Variants in PAX5 observed in about 807,000 individuals in gnomAD.
PAX5 encodes paired box protein Pax-5.
A neutral mutation model predicts 43.7 loss-of-function variants in PAX5; 9 were observed. The observed-to-expected ratio is 0.21, with a 90% CI of 0.12 to 0.36. The LOEUF (loss-of-function observed/expected upper bound fraction) is 0.36, where lower values mean the gene tolerates loss of function less well. PAX5 is among the 10% of genes least tolerant of loss of function. PAX5 has a pLI of 1.00. For missense variants in PAX5, 383 were observed against 532.7 expected (o/e 0.72, Z 2.77); for synonymous variants, 228 against 214.3 (o/e 1.06, Z -0.56).
chr9:36,915,389 A>G (rs530107179), intron 7 of PAX5, among the ~76,000 whole-genome samples: 1 of 152,326 alleles, frequency 6.6e-6, no homozygotes, highest in African/African-American at 2.4e-5. Context: ...AATCTTTGTT[A>G]AGATGTTTTT....
intron 8 of PAX5, among the ~76,000 whole-genome samples, chr9:36,867,283 T>C (rs939100320): frequency 9.8e-5 from 15 of 152,322 alleles, no homozygotes; most frequent in African/African-American, 3.6e-4. Flanking sequence ...GGTATACACC[T>C]GGTGTCCCCG....
intron 1 of PAX5, among the ~76,000 whole-genome samples, chr9:37,027,093 T>C (rs2132541772): frequency 6.6e-6 from 1 of 152,334 alleles, no homozygotes; most frequent in Non-Finnish European, 1.5e-5. Context: ...GCCAGATCCT[T>C]TCTTTCTCTG....
intron 1 of PAX5, among the ~76,000 whole-genome samples, chr9:37,033,488 T>C (rs988314902): frequency 3.3e-5 from 5 of 152,118 alleles, no homozygotes; most frequent in Non-Finnish European, 5.9e-5. Context: ...CACTCAGATA[T>C]TTCCGAATTA....
intron 8 of PAX5, among the ~76,000 whole-genome samples, chr9:36,874,597 G>C (rs1296524629): frequency 6.6e-6 from 1 of 152,186 alleles, no homozygotes; most frequent in East Asian, 1.9e-4. Context: ...CCCAGCTCCA[G>C]GGCCACCTTT....
intron 7 of PAX5, among the ~76,000 whole-genome samples, chr9:36,910,153 CA>C (rs1440955962): frequency 6.6e-6 from 1 of 152,240 alleles, no homozygotes; most frequent in Admixed American, 6.5e-5. Context: ...TTCAAAAAAT[CA>C]AAATGTAAAC....
chr9:36,933,513 G>T (rs1231737124), intron 6 of PAX5, among the ~76,000 whole-genome samples: 1 of 152,216 alleles, frequency 6.6e-6, no homozygotes, highest in Non-Finnish European at 1.5e-5. Flanking sequence ...CTAGAGCTCA[G>T]AGAGGGGAGC....
intron 6 of PAX5, chr9:36,930,750 A>C: frequency 1.2e-6 from 1 of 848,394 alleles, no homozygotes; most frequent in Non-Finnish European, 1.6e-6. Flanking sequence ...GATCATGAGA[A>C]TCTGAGGGGT....
At chr9:36,869,985 TG>T (rs1224397500) in intron 8 of PAX5, among the ~76,000 whole-genome samples, 1 of 134,288 alleles carries the variant, frequency 7.4e-6, no homozygotes, top group Non-Finnish European at 1.6e-5. Context: ...GATGGATAAA[TG>T]GATGGATGGA....
intron 6 of PAX5, among the ~76,000 whole-genome samples, chr9:36,959,380 G>T (rs1282614254): frequency 6.6e-6 from 1 of 152,214 alleles, no homozygotes; most frequent in Admixed American, 6.5e-5. Flanking sequence ...GAAAGCTTGG[G>T]CTATTAGTGA....
intron 6 of PAX5, 77 bp downstream of exon 6, chr9:36,966,472 G>A (rs2132192741): frequency 6.6e-7 from 1 of 1,511,770 alleles, no homozygotes; most frequent in East Asian, 2.3e-5. Flanking sequence ...CACCCCGCCA[G>A]ATGCCTCTGC....
intron 7 of PAX5, among the ~76,000 whole-genome samples, chr9:36,908,858 T>C (rs971297238): frequency 1.3e-5 from 2 of 152,246 alleles, no homozygotes; most frequent in African/African-American, 4.8e-5. Context: ...ATCCTATAAA[T>C]ATAAGGTCAG....
chr9:36,912,480 A>T (rs529842563), intron 7 of PAX5, among the ~76,000 whole-genome samples: 4 of 152,326 alleles, frequency 2.6e-5, no homozygotes, highest in Admixed American at 1.3e-4. Context: ...TCAACTGCAC[A>T]CTGAAAGAGA....
intron 2 of PAX5, among the ~76,000 whole-genome samples, chr9:37,018,169 G>A (rs566100706): frequency 6.6e-6 from 1 of 152,082 alleles, no homozygotes; most frequent in Non-Finnish European, 1.5e-5. Flanking sequence ...AAATACAGAC[G>A]GTTGAGAATA....
intron 6 of PAX5, among the ~76,000 whole-genome samples, chr9:36,926,828 T>C (rs1257502239): frequency 6.6e-6 from 1 of 152,190 alleles, no homozygotes; most frequent in African/African-American, 2.4e-5. Flanking sequence ...GACACACTCT[T>C]TGACCCTCAC....
At chr9:36,945,281 G>C (rs929108292) in intron 6 of PAX5, among the ~76,000 whole-genome samples, 6 of 151,842 alleles carry the variant, frequency 4.0e-5, no homozygotes, top group Non-Finnish European at 8.8e-5. Context: ...CTCTCACCCA[G>C]GGAGGGCTGA....
At chr9:36,883,995 TA>T (rs113923351) in intron 7 of PAX5, among the ~76,000 whole-genome samples, 8 of 151,454 alleles carry the variant, frequency 5.3e-5, no homozygotes, top group Non-Finnish European at 2.9e-5. Flanking sequence ...AGAAAAAGTT[TA>T]AAAAAAAATA....
chr9:37,027,129 C>A (rs561898747), intron 1 of PAX5, among the ~76,000 whole-genome samples: 1 of 152,354 alleles, frequency 6.6e-6, no homozygotes, highest in South Asian at 2.1e-4. Context: ...GGGGCTCGGA[C>A]TTGCCCCCTC....
chr9:36,966,140 G>A (rs1019413651), intron 6 of PAX5, among the ~76,000 whole-genome samples: 9 of 152,250 alleles, frequency 5.9e-5, no homozygotes, highest in African/African-American at 2.2e-4. Context: ...TCATTCCATT[G>A]TTCACGGCCG....
At chr9:36,951,856 G>T (rs543510893) in intron 6 of PAX5, among the ~76,000 whole-genome samples, 2 of 152,066 alleles carry the variant, frequency 1.3e-5, no homozygotes, top group African/African-American at 4.8e-5. Flanking sequence ...TTACCATAAT[G>T]GTTACCCTTT....
Sources: gnomAD v4.1 joint callset for allele counts (sites outside exome capture counted in the v4.1 genomes callset) on GRCh38, gnomAD v4.1.1 for gene constraint, MANE v1.5 for transcripts, NCBI Gene and HGNC (gene_info 2026-07-23, HGNC 2026-07-21) for gene names.